MON2: variants seen among roughly 807,000 people sequenced by gnomAD.
MON2 encodes protein MON2 homolog.
Under a neutral mutation model 208.6 loss-of-function variants are expected in MON2, and 84 were observed. That is an observed-to-expected ratio of 0.40 (90% CI 0.34 to 0.48). The LOEUF (loss-of-function observed/expected upper bound fraction) is 0.48. Ranked by LOEUF, MON2 falls within the 20% of genes least tolerant of loss-of-function variation. The pLI is 0.59. For synonymous variants in MON2, 660 were observed against 694.0 expected (o/e 0.95, Z 0.77); for missense variants, 1,611 against 2,015.4 (o/e 0.80, Z 3.84).
At chr12:62,516,173 A>G (rs1385682783) in intron 8 of MON2, among the ~76,000 whole-genome samples, 1 of 152,180 alleles carries the variant, frequency 6.6e-6, no homozygotes, top group Non-Finnish European at 1.5e-5. Flanking sequence ...CCAGGCACAG[A>G]AAGACAAACT....
intron 11 of MON2, among the ~76,000 whole-genome samples, chr12:62,526,309 A>T (rs1327615148): frequency 6.6e-6 from 1 of 152,142 alleles, no homozygotes; most frequent in African/African-American, 2.4e-5. Flanking sequence ...TAACAGCATT[A>T]TAAAACAAAA....
intron 2 of MON2, among the ~76,000 whole-genome samples, chr12:62,484,516 C>T (rs2069644235): frequency 6.6e-6 from 1 of 152,210 alleles, no homozygotes; most frequent in South Asian, 2.1e-4. Context: ...TTCTCCTCCA[C>T]TTCCTGCTAA....
chr12:62,571,507 A>G lies in MON2; in HGVS notation c.4439A>G (p.His1480Arg). Residue 1480 changes from histidine (H) to arginine (R), a missense_variant, in exon 30 of 35, where the codon CAT (histidine) becomes CGT (arginine). Physicochemically the swap from His to Arg is conservative, Grantham distance 29. Coordinates refer to ENST00000393630, the MANE Select transcript of MON2 (RefSeq NM_015026.3). ...LSIGLPVARQHASSGKFDSMW... is the reference protein window; with the variant it reads ...LSIGLPVARQRASSGKFDSMW... ...ATTGGGCTACCTGTTGCCCGGCAGC[A>G]TGCTTCTTCTGGAAAATTTGACAGT... The G allele has an allele frequency of 3.7e-6, 6 of 1,614,106 alleles. No individual in the cohort carries two copies. Among genetic ancestry groups the G allele is most frequent in the Non-Finnish European group, 5.1e-6 (6 of 1,179,986 alleles).
At chr12:62,501,030 A>G in intron 6 of MON2, 150 bp downstream of exon 6, 1 of 467,212 alleles carries the variant, frequency 2.1e-6, no homozygotes, top group East Asian at 3.5e-5. Flanking sequence ...AACAACTTTT[A>G]TATTTACTTT....
At chr12:62,571,275 C>G (rs2074587485) in intron 29 of MON2, 117 bp from the exon 30 acceptor site, 1 of 781,202 alleles carries the variant, frequency 1.3e-6, no homozygotes, top group South Asian at 2.6e-5. Flanking sequence ...AATGAAAATA[C>G]CATCCTTTTT....
rs543171530 is a variant in MON2, at chr12:62,576,369, C to G, written c.4515-2076C>G. Among the ~76,000 whole-genome samples, 121 of 151,684 alleles carry G rather than the reference C, an allele frequency of 8.0e-4. 1 individual carries two copies. The highest frequency in any genetic ancestry group is 2.7e-3 in the African/African-American group (113 of 41,360). ...GTACAGATCTTTTTGGGGGGGTGATCAAAATGTTCTGGAATTAGAAATGGT... is the reference window on the plus strand; with the variant it reads ...GTACAGATCTTTTTGGGGGGGTGATGAAAATGTTCTGGAATTAGAAATGGT... On this transcript the variant is annotated intron_variant, in intron 30 of 34. Coordinates refer to ENST00000393630, the MANE Select transcript of MON2 (RefSeq NM_015026.3).
chr12:62,503,578 C>G (rs2070949143), intron 7 of MON2, among the ~76,000 whole-genome samples: 2 of 152,192 alleles, frequency 1.3e-5, no homozygotes, highest in Non-Finnish European at 2.9e-5. Context: ...AGTTGATATC[C>G]TCCTTATCAG....
intron 11 of MON2, among the ~76,000 whole-genome samples, chr12:62,531,761 AT>A (rs915796117): frequency 2.2e-4 from 32 of 148,316 alleles, no homozygotes; most frequent in African/African-American, 5.5e-4. Flanking sequence ...ATGGCATCTT[AT>A]TTTTTTTTTA....
intron 7 of MON2, among the ~76,000 whole-genome samples, chr12:62,503,195 A>G (rs145938893): frequency 3.6e-4 from 55 of 152,348 alleles, no homozygotes; most frequent in African/African-American, 1.2e-3. Context: ...TGTTTTACAC[A>G]TGAGGAAACT....
chr12:62,470,090 A>G (rs1230029821), intron 1 of MON2, among the ~76,000 whole-genome samples: 1 of 151,724 alleles, frequency 6.6e-6, no homozygotes, highest in Admixed American at 6.6e-5. Flanking sequence ...TTTTTTTTGT[A>G]GAGACAGGGT....
intron 26 of MON2, among the ~76,000 whole-genome samples, chr12:62,563,677 C>T (rs2074274678): frequency 6.6e-6 from 1 of 151,850 alleles, no homozygotes; most frequent in Admixed American, 6.6e-5. Flanking sequence ...TTTTAAAGTC[C>T]CCAAATTGCT....
chr12:62,583,447 A>G (rs10459257), intron 32 of MON2, among the ~76,000 whole-genome samples: 129,972 of 152,090 alleles, frequency 0.85, 56,158 homozygotes, highest in African/African-American at 0.93. Context: ...CTGACAAAGA[A>G]AGAACAAAGA....
chr12:62,478,678 A>G (rs965846695), intron 1 of MON2, among the ~76,000 whole-genome samples: 4 of 152,244 alleles, frequency 2.6e-5, no homozygotes, highest in Non-Finnish European at 4.4e-5. Flanking sequence ...GGGTAGGTCC[A>G]TAGTTTGTTT....
At chr12:62,513,094 G>A (rs543114011) in intron 8 of MON2, among the ~76,000 whole-genome samples, 1 of 152,282 alleles carries the variant, frequency 6.6e-6, no homozygotes, top group South Asian at 2.1e-4. Flanking sequence ...TGATGGGAGG[G>A]GCTGCCTCAA....
At chr12:62,508,254 TA>T (rs1484398584) in intron 7 of MON2, 31 bp from the exon 8 acceptor site, 4 of 1,548,656 alleles carry the variant, frequency 2.6e-6, no homozygotes, top group South Asian at 2.3e-5. Context: ...TAAAGTTAAT[TA>T]TTTTTTTCTT....
chr12:62,492,351 T>TA (rs2070188930), intron 2 of MON2, among the ~76,000 whole-genome samples: 1 of 149,346 alleles, frequency 6.7e-6, no homozygotes, highest in African/African-American at 2.5e-5. Context: ...AAATAACTGA[T>TA]AGAGTTAGTT....
rs533039679 is a variant in MON2 at position 62,506,968 on chromosome 12, AG to A, written c.790-1315del. Among the ~76,000 whole-genome samples the A allele has an allele frequency of 1.1e-3, 168 of 152,330 alleles. 3 individuals are homozygous for A. The South Asian group carries it at 0.013, about 12-fold the overall frequency. Reference sequence around the variant, plus strand: ...GGGATTACTCTTGGCTAATATAGGCAGGGAATTAACAGGTTAAGGAGTGCTT... The same window carrying A: ...GGGATTACTCTTGGCTAATATAGGCAGGAATTAACAGGTTAAGGAGTGCTT... On this transcript the variant is annotated intron_variant, in intron 7 of 34. Transcript: ENST00000393630.
At chr12:62,537,570 A>G (rs1032543228) in intron 15 of MON2, 32 bp from the exon 16 acceptor site, 3 of 1,477,346 alleles carry the variant, frequency 2.0e-6, no homozygotes, top group Non-Finnish European at 2.8e-6. Flanking sequence ...ATACATAACA[A>G]TTATTGAAAA....
intron 4 of MON2, among the ~76,000 whole-genome samples, chr12:62,495,986 G>A (rs1252164681): frequency 6.6e-6 from 1 of 152,006 alleles, no homozygotes; most frequent in Non-Finnish European, 1.5e-5. Flanking sequence ...CTAAAGAACA[G>A]AAAGTAGAGA....
Sources: allele counts gnomAD v4.1 joint callset (sites outside exome capture counted in the v4.1 genomes callset), GRCh38; gene constraint gnomAD v4.1.1; transcripts MANE v1.5; gene names NCBI Gene and HGNC (gene_info 2026-07-23, HGNC 2026-07-21).